Variants in SYN1 observed in about 807,000 individuals in gnomAD.
The protein encoded by SYN1 is synapsin-1.
A neutral mutation model predicts 44.6 loss-of-function variants in SYN1; 8 were observed. The ratio of observed to expected loss-of-function variants is 0.18; its 90% CI spans 0.11 to 0.32. SYN1 has a LOEUF of 0.32. Among genes scored for constraint, SYN1 ranks in the 10% least tolerant of loss-of-function variants. The pLI, the probability that SYN1 is intolerant of heterozygous loss-of-function variation, is 1.00. For synonymous variants in SYN1, 275 were observed against 280.1 expected (o/e 0.98, Z 0.18); for missense variants, 451 against 639.4 (o/e 0.71, Z 3.18).
At chrX:47,601,745 A>C (rs1323261504) in intron 5 of SYN1, among the ~76,000 whole-genome samples, 1 of 112,457 alleles carries the variant, frequency 8.9e-6, no homozygotes, top group African/African-American at 3.2e-5. Flanking sequence ...GTCTCTTACG[A>C]ATATAGATAC....
At chrX:47,603,911 T>A (rs2313094) in intron 5 of SYN1, among the ~76,000 whole-genome samples, 990 of 98,859 alleles carry the variant, frequency 0.01, 11 homozygotes, top group African/African-American at 0.022. Context: ...TATATATTTT[T>A]TTTTTTTTTT....
At chrX:47,577,908 G>A (rs2057783290) in intron 5 of SYN1, among the ~76,000 whole-genome samples, 1 of 110,048 alleles carries the variant, frequency 9.1e-6, no homozygotes, top group Non-Finnish European at 1.9e-5. Flanking sequence ...AGCATGTAGT[G>A]ACTGAACCCC....
intron 5 of SYN1, among the ~76,000 whole-genome samples, chrX:47,582,891 C>T (rs764134062): frequency 1.1e-5 from 1 of 93,741 alleles, no homozygotes; most frequent in Admixed American, 1.2e-4. Context: ...CCTCAAGTAT[C>T]CCCATTGCCT....
chrX:47,594,002 A>G (rs2057856230), intron 5 of SYN1, among the ~76,000 whole-genome samples: 1 of 111,922 alleles, frequency 8.9e-6, no homozygotes, highest in Non-Finnish European at 1.9e-5. Context: ...AGGCCAAGGC[A>G]GGTAGATCGC....
At chrX:47,608,248 A>AAGGAAGGAAGGAAGGC (rs2057904818) in intron 1 of SYN1, among the ~76,000 whole-genome samples, 1 of 5,927 alleles carries the variant, frequency 1.7e-4, no homozygotes, top group Non-Finnish European at 3.5e-4. Flanking sequence ...GGAAGGAAGG[A>AAGGAAGGAAGGAAGGC]AGGAAGGAAG....
chrX:47,586,839 C>T (rs763775127), intron 5 of SYN1: 1 of 734,172 alleles, frequency 1.4e-6, no homozygotes, highest in Non-Finnish European at 1.9e-6. Flanking sequence ...TGCTGATGAC[C>T]TGGTGTGAGC....
chrX:47,618,475 T>C (rs2057937493), intron 1 of SYN1, among the ~76,000 whole-genome samples: 1 of 111,760 alleles, frequency 8.9e-6, no homozygotes, highest in South Asian at 3.7e-4. Context: ...CTAGATCCAC[T>C]GTAGGGAAAG....
intron 1 of SYN1, among the ~76,000 whole-genome samples, chrX:47,618,053 C>T (rs1325605027): frequency 8.9e-6 from 1 of 111,864 alleles, no homozygotes; most frequent in Non-Finnish European, 1.9e-5. Flanking sequence ...AGAAGGCACA[C>T]AATCAGGTAC....
intron 4 of SYN1, 56 bp downstream of exon 4, chrX:47,605,167 C>T (rs1603070629): frequency 8.3e-7 from 1 of 1,204,462 alleles, no homozygotes; most frequent in East Asian, 3.0e-5. Flanking sequence ...GTTTCAAGCT[C>T]CCACATACAT....
chrX:47,589,228 C>T (rs1477189017), intron 5 of SYN1, among the ~76,000 whole-genome samples: 2 of 99,496 alleles, frequency 2.0e-5, no homozygotes, highest in East Asian at 3.3e-4. Context: ...ACCCAGGAGG[C>T]GGAAGTTGCA....
intron 5 of SYN1, among the ~76,000 whole-genome samples, chrX:47,588,423 C>A (rs1452731645): frequency 1.8e-5 from 2 of 112,920 alleles, no homozygotes; most frequent in Admixed American, 1.9e-4. Flanking sequence ...AAGTCCTCAG[C>A]TCTTCCAAGC....
intron 5 of SYN1, among the ~76,000 whole-genome samples, chrX:47,597,128 G>A (rs747778342): frequency 9.0e-6 from 1 of 111,022 alleles, no homozygotes; most frequent in East Asian, 2.8e-4. Context: ...GAGGTCAGGA[G>A]TTTGAGACCA....
chrX:47,612,254 G>A (rs2057918623), intron 1 of SYN1, among the ~76,000 whole-genome samples: 1 of 111,033 alleles, frequency 9.0e-6, no homozygotes, highest in Non-Finnish European at 1.9e-5. Flanking sequence ...ACCCCATTGA[G>A]GTGCTGGGCC....
chrX:47,605,704 C>G (rs1204242076), intron 3 of SYN1, among the ~76,000 whole-genome samples: 1 of 110,361 alleles, frequency 9.1e-6, no homozygotes, highest in Non-Finnish European at 1.9e-5. Flanking sequence ...TAAATTCTAA[C>G]CTTGGGACCT....
At chrX:47,575,957 A>G (rs1239713497) in intron 9 of SYN1, among the ~76,000 whole-genome samples, 174 bp downstream of exon 9, 1 of 112,084 alleles carries the variant, frequency 8.9e-6, no homozygotes, top group East Asian at 2.8e-4. Flanking sequence ...AGTTCAGTCT[A>G]GTGTTCTGCC....
intron 1 of SYN1, among the ~76,000 whole-genome samples, 163 bp from the exon 2 acceptor site, chrX:47,607,361 T>C (rs920814623): frequency 3.4e-4 from 38 of 112,058 alleles, no homozygotes; most frequent in Middle Eastern, 4.6e-3. Flanking sequence ...TTGTGAATAA[T>C]GTCTGTTGTA....
At chrX:47,609,343 T>C (rs12389289) in intron 1 of SYN1, among the ~76,000 whole-genome samples, 26,692 of 111,004 alleles carry the variant, frequency 0.24, 2,439 homozygotes, top group Admixed American at 0.3. Context: ...TGGTCTGGTC[T>C]ATGAAGGGAA....
intron 5 of SYN1, among the ~76,000 whole-genome samples, chrX:47,599,780 T>TA (rs1251296393): frequency 8.9e-6 from 1 of 111,806 alleles, no homozygotes; most frequent in Non-Finnish European, 1.9e-5. Context: ...GCACAAACGG[T>TA]AAAGGGTTAA....
At chrX:47,605,108 A>C in intron 4 of SYN1, 41 bp from the exon 5 acceptor site, 1 of 1,202,216 alleles carries the variant, frequency 8.3e-7, no homozygotes, top group Non-Finnish European at 1.1e-6. Context: ...GTCCTTCACC[A>C]CGAATCTGTA....
Sources: allele counts gnomAD v4.1 joint callset (sites outside exome capture counted in the v4.1 genomes callset), GRCh38; gene constraint gnomAD v4.1.1; transcripts MANE v1.5; gene names NCBI Gene and HGNC (gene_info 2026-07-23, HGNC 2026-07-21).